The following PEPD variants were observed in gnomAD, a reference collection of about 807,000 sequenced individuals.
The protein encoded by PEPD is peptidase D, also known as xaa-Pro dipeptidase.
In PEPD, 53 loss-of-function variants were observed where a neutral mutation model predicts 60.7. The observed-to-expected ratio is 0.87, with a 90% CI of 0.70 to 1.10. PEPD has a LOEUF of 1.10. Among genes scored for constraint, PEPD ranks in the 50% least tolerant of loss-of-function variants. PEPD has a pLI of 0.00. For missense variants in PEPD, 711 were observed against 711.9 expected (o/e 1.00, Z 0.01); for synonymous variants, 267 against 284.1 (o/e 0.94, Z 0.60).
chr19:33,412,561 C>T (rs1044674065), intron 10 of PEPD, among the ~76,000 whole-genome samples: 3 of 152,098 alleles, frequency 2.0e-5, no homozygotes, highest in Non-Finnish European at 4.4e-5. Context: ...CCCTAATGAG[C>T]GATGCCTTTA....
At chr19:33,404,806 C>G (rs891644560) in intron 11 of PEPD, among the ~76,000 whole-genome samples, 1 of 142,166 alleles carries the variant, frequency 7.0e-6, no homozygotes, top group Non-Finnish European at 1.5e-5. Context: ...AGTTCCCTAT[C>G]TTTTTCTGCC....
intron 9 of PEPD, among the ~76,000 whole-genome samples, chr19:33,425,251 T>C (rs1274850008): frequency 2.0e-5 from 3 of 152,090 alleles, no homozygotes; most frequent in African/African-American, 7.2e-5. Flanking sequence ...ACATCTGTAA[T>C]GCGCCACTGC....
intron 13 of PEPD, 192 bp from the exon 14 acceptor site, chr19:33,388,273 C>A (rs1435506442): frequency 4.3e-6 from 3 of 697,768 alleles, no homozygotes; most frequent in Non-Finnish European, 7.9e-6. Flanking sequence ...CTGCACATAC[C>A]CCTGGATCTT....
chr19:33,411,730 G>T lies in PEPD; in HGVS notation c.760C>A (p.Leu254Ile). 1 of 1,608,132 alleles carries T rather than the reference G, an allele frequency of 6.2e-7. No homozygotes were observed. The highest frequency in any genetic ancestry group is 8.5e-7 in the Non-Finnish European group (1 of 1,174,992). ...ICGSGENSAVLHYGHAGAPND... is the reference protein window; with the variant it reads ...ICGSGENSAVIHYGHAGAPND... ...GGAGCTCCGGCGTGTCCGTAGTGTAGCACGGCTGAGTTCTCACCACTGCAA... is the reference window on the plus strand; with the variant it reads ...GGAGCTCCGGCGTGTCCGTAGTGTATCACGGCTGAGTTCTCACCACTGCAA... The change falls in exon 11 of 15, where the codon CTA (leucine) becomes ATA (isoleucine). Residue 254 changes from leucine to isoleucine, a missense_variant. Leu to Ile is a conservative substitution (Grantham distance 5). Coordinates refer to ENST00000244137, the MANE Select transcript of PEPD (RefSeq NM_000285.4).
intron 3 of PEPD, among the ~76,000 whole-genome samples, chr19:33,504,979 G>A (rs373853600): frequency 1.3e-5 from 2 of 152,204 alleles, no homozygotes; most frequent in African/African-American, 4.8e-5. Context: ...CCCAGTCCCC[G>A]GAGTCAAAGC....
intron 11 of PEPD, among the ~76,000 whole-genome samples, chr19:33,403,284 C>T (rs1568453133): frequency 6.6e-6 from 1 of 152,224 alleles, no homozygotes; most frequent in East Asian, 1.9e-4. Context: ...ATGACCCTGG[C>T]TGGCGGAGGC....
At chr19:33,394,659 G>C (rs1050998486) in intron 12 of PEPD, among the ~76,000 whole-genome samples, 5 of 152,190 alleles carry the variant, frequency 3.3e-5, no homozygotes, top group African/African-American at 1.2e-4. Context: ...CCAACTTGAG[G>C]GTTCCCTTGC....
intron 6 of PEPD, 93 bp downstream of exon 6, chr19:33,489,903 G>T: frequency 1.3e-6 from 1 of 786,402 alleles, no homozygotes; most frequent in Non-Finnish European, 2.2e-6. Context: ...AGTTTGCATA[G>T]TTCATGTCTT....
At chr19:33,497,728 T>C (rs1156934945) in intron 4 of PEPD, among the ~76,000 whole-genome samples, 2 of 152,146 alleles carry the variant, frequency 1.3e-5, no homozygotes, top group African/African-American at 2.4e-5. Flanking sequence ...TAACCTCCCA[T>C]GATGCAACAG....
At chr19:33,519,388 C>T (rs1971087917) in intron 1 of PEPD, among the ~76,000 whole-genome samples, 1 of 152,364 alleles carries the variant, frequency 6.6e-6, no homozygotes, top group Non-Finnish European at 1.5e-5. Flanking sequence ...TCTCATGGAC[C>T]CCCTCTGTCC....
intron 9 of PEPD, among the ~76,000 whole-genome samples, chr19:33,458,955 G>A (rs1371526090): frequency 6.6e-6 from 1 of 151,700 alleles, no homozygotes; most frequent in Non-Finnish European, 1.5e-5. Flanking sequence ...CTGTACTCGA[G>A]GGGCGCTGGG....
intron 9 of PEPD, 131 bp downstream of exon 9, chr19:33,462,863 TC>T: frequency 2.6e-6 from 2 of 765,664 alleles, no homozygotes; most frequent in Non-Finnish European, 2.4e-6. Context: ...TTGCTTGTGA[TC>T]CTGAAGCCCT....
At chr19:33,490,097 T>G (rs779176595) in intron 5 of PEPD, 40 bp from the exon 6 acceptor site, 1 of 1,480,910 alleles carries the variant, frequency 6.8e-7, no homozygotes, top group South Asian at 1.2e-5. Flanking sequence ...CGGGGCCGCA[T>G]GGCGCCCCCA....
intron 3 of PEPD, among the ~76,000 whole-genome samples, chr19:33,504,859 C>T (rs995969433): frequency 1.3e-5 from 2 of 152,164 alleles, no homozygotes; most frequent in African/African-American, 4.8e-5. Context: ...CCAAGGATAG[C>T]TTTGGGAGGA....
chr19:33,414,356 T>C (rs1234646151), intron 9 of PEPD, among the ~76,000 whole-genome samples: 1 of 152,220 alleles, frequency 6.6e-6, no homozygotes, highest in Non-Finnish European at 1.5e-5. Context: ...GCCCAGAACC[T>C]GCACCGGGGA....
intron 9 of PEPD, among the ~76,000 whole-genome samples, chr19:33,451,192 T>C (rs140685974): frequency 0.011 from 1,703 of 152,380 alleles, 26 homozygotes; most frequent in South Asian, 0.071. Context: ...TACTACTGGC[T>C]CACCCTTGAA....
intron 4 of PEPD, among the ~76,000 whole-genome samples, chr19:33,495,814 C>T (rs1044722308): frequency 7.9e-5 from 12 of 152,006 alleles, no homozygotes; most frequent in African/African-American, 1.4e-4. Context: ...GATGAAACCC[C>T]GTCTCTATTA....
intron 6 of PEPD, among the ~76,000 whole-genome samples, chr19:33,483,068 G>T (rs1284223405): frequency 1.3e-5 from 2 of 152,018 alleles, no homozygotes; most frequent in Non-Finnish European, 2.9e-5. Flanking sequence ...AATCACAGTA[G>T]AATTAAATGA....
chr19:33,416,066 C>G (rs1475424045), intron 9 of PEPD, among the ~76,000 whole-genome samples: 1 of 152,206 alleles, frequency 6.6e-6, no homozygotes, highest in Non-Finnish European at 1.5e-5. Context: ...CCTGTGGAAG[C>G]GTGTGAGCCC....
Sources: gnomAD v4.1 joint callset for allele counts (sites outside exome capture counted in the v4.1 genomes callset) on GRCh38, gnomAD v4.1.1 for gene constraint, MANE v1.5 for transcripts, NCBI Gene and HGNC (gene_info 2026-07-23, HGNC 2026-07-21) for gene names.